The following KNL1 variants were observed in gnomAD, a reference collection of about 807,000 sequenced individuals.
The protein encoded by KNL1 is outer kinetochore KNL1 complex subunit KNL1.
Under a neutral mutation model 201.3 loss-of-function variants are expected in KNL1, and 66 were observed. That is an observed-to-expected ratio of 0.33 (90% confidence interval 0.27 to 0.40). KNL1 has a LOEUF of 0.40. Among genes scored for constraint, KNL1 ranks in the 10% least tolerant of loss-of-function variants. The probability of loss-of-function intolerance (pLI) is 1.00; values close to 1 mark genes in which losing one functional copy is unlikely to be tolerated. For missense variants in KNL1, 2,815 were observed against 2,690.5 expected (o/e 1.05, Z -1.02); for synonymous variants, 895 against 899.2 (o/e 1.00, Z 0.08).
intron 13 of KNL1, among the ~76,000 whole-genome samples, chr15:40,632,930 A>C (rs1353054785): frequency 1.3e-5 from 2 of 152,156 alleles, no homozygotes; most frequent in African/African-American, 4.8e-5. Context: ...CCCAATTTAA[A>C]AATGATCAAA....
At chr15:40,605,066 T>C (rs751310299) in intron 2 of KNL1, 44 bp from the exon 3 acceptor site, 2 of 1,038,716 alleles carry the variant, frequency 1.9e-6, no homozygotes, top group South Asian at 1.3e-5. Flanking sequence ...TGTGAATTCA[T>C]TTTTTTAAAT....
At chr15:40,601,180 C>T (rs560874827) in intron 1 of KNL1, among the ~76,000 whole-genome samples, 3 of 152,308 alleles carry the variant, frequency 2.0e-5, no homozygotes, top group Admixed American at 6.5e-5. Flanking sequence ...AGCACAAACC[C>T]TGTTGTGAAC....
intron 25 of KNL1, 98 bp downstream of exon 25, chr15:40,659,559 C>G (rs1469717681): frequency 9.3e-7 from 1 of 1,072,716 alleles, no homozygotes; most frequent in Non-Finnish European, 1.3e-6. Context: ...GTGGCGCAAT[C>G]TCGGCTCACT....
Position 40,645,065 on chromosome 15 carries a change from T to TG in KNL1, c.5868dup (p.Arg1957GlufsTer5), listed in dbSNP as rs1311970118. 1 of 1,610,796 alleles carries TG rather than the reference T, an allele frequency of 6.2e-7. No homozygotes were observed. The highest frequency in any genetic ancestry group is 8.5e-7 in the Non-Finnish European group (1 of 1,177,756). On this transcript the variant is annotated frameshift_variant, in exon 15 of 26. Coordinates refer to ENST00000399668, the MANE Select transcript of KNL1 (RefSeq NM_144508.5). LOFTEE classifies it high-confidence loss of function. ...ATAAATAAGAACCTGTGGGAAAAAATGAGACACTGCTCTGACAAAGAGGTA... is the reference window on the plus strand; with the variant it reads ...ATAAATAAGAACCTGTGGGAAAAAATGGAGACACTGCTCTGACAAAGAGGTA...
rs1442241911 is a variant in KNL1 at position 40,662,626 on chromosome 15, A to G, written c.*438A>G. The G allele has an allele frequency of 1.0e-5, 2 of 200,542 alleles. No homozygotes were observed. Among genetic ancestry groups the G allele is most frequent in the Non-Finnish European group, 2.1e-5 (2 of 97,528 alleles). The allele number at this position is 200,542 out of a possible 1,614,324, so 12.4% of individuals were successfully genotyped here. A position where few individuals can be genotyped will look rare whatever the true frequency, so the allele number is the denominator to read the frequency against. ...TTCTGGAGTAGAAATGTATCTGTCT[A>G]CAAACTATTATCCTTTTTCTCCGTT... On this transcript the variant is annotated 3_prime_UTR_variant, in exon 26 of 26. Transcript: ENST00000399668.
chr15:40,622,508 C>T lies in KNL1; in HGVS notation c.2244C>T (p.Cys748=). 6.2e-7 allele frequency: 1 copy of T among 1,613,960 alleles called. No individual in the cohort carries two copies. The highest frequency in any genetic ancestry group is 8.5e-7 in the Non-Finnish European group (1 of 1,179,916). ...TAAGCAATCCCACACCTGACTATTG[C>T]CATGACAAGATGATTATATGTTCAG... ...KSLSNPTPDY[C]HDKMIICSEE... Residue 748 remains cysteine, a synonymous_variant, in exon 10 of 26, where the codon TGC becomes TGT. Transcript: ENST00000399668.
chr15:40,653,996 A>G (rs1893647936), intron 21 of KNL1, among the ~76,000 whole-genome samples: 1 of 152,148 alleles, frequency 6.6e-6, no homozygotes, highest in Admixed American at 6.5e-5. Context: ...AGTGCTTATC[A>G]TAGTTTGTAG....
intron 17 of KNL1, among the ~76,000 whole-genome samples, chr15:40,649,058 G>C (rs1241195740): frequency 6.8e-6 from 1 of 147,104 alleles, no homozygotes; most frequent in East Asian, 2.0e-4. Context: ...GGCTGATCTC[G>C]AACTCCCGAC....
rs368189116 is a variant in KNL1 at position 40,624,181 on chromosome 15, C to T, written c.3917C>T (p.Pro1306Leu). 256 of 1,613,736 alleles carry T rather than the reference C, an allele frequency of 1.6e-4. 1 individual carries two copies. Among genetic ancestry groups the T allele is most frequent in the Non-Finnish European group, 2.0e-4 (231 of 1,179,932 alleles). Residue 1306 changes from proline to leucine, a missense_variant, in exon 10 of 26, where the codon CCA becomes CTA. This residue lies in a region of KNL1 where 2,464 missense variants were observed against 2,291.7 expected (regional missense o/e 1.08). Transcript: ENST00000399668. ...TCCAGTGATAATTATTCCTGTTTAC[C>T]AAATGTTATTTCCTGTACTGATAAT... ...CGSSDNYSCL[P>L]NVISCTDNLE...
intron 10 of KNL1, among the ~76,000 whole-genome samples, chr15:40,627,134 A>T (rs1346653005): frequency 2.0e-5 from 3 of 152,188 alleles, no homozygotes; most frequent in Non-Finnish European, 4.4e-5. Context: ...ATCTCAAGTG[A>T]TCCACCTTCC....
At chr15:40,641,553 A>G (rs1256746632) in intron 14 of KNL1, among the ~76,000 whole-genome samples, 1 of 152,258 alleles carries the variant, frequency 6.6e-6, no homozygotes, top group African/African-American at 2.4e-5. Flanking sequence ...AATTCCACAC[A>G]TAAATACGTA....
intron 13 of KNL1, among the ~76,000 whole-genome samples, chr15:40,638,397 T>G (rs1193903330): frequency 6.6e-6 from 1 of 152,178 alleles, no homozygotes; most frequent in African/African-American, 2.4e-5. Flanking sequence ...AAGCTCTTGC[T>G]TTGTTTCTCA....
rs1365726618 is a variant in KNL1, at chr15:40,648,582, C to T, written c.6094+1508C>T. On this transcript the variant is annotated intron_variant, in intron 17 of 25. Coordinates refer to ENST00000399668, the MANE Select transcript of KNL1 (RefSeq NM_144508.5). ...GTCTTTGAGGCTCTCTTAACAAGTCCTGTCATCGGCAGCTTCAGCATCTCA... is the reference window on the plus strand; with the variant it reads ...GTCTTTGAGGCTCTCTTAACAAGTCTTGTCATCGGCAGCTTCAGCATCTCA... 2.0e-5 allele frequency among the ~76,000 whole-genome samples: 3 copies of T among 152,148 alleles called. No individual in the cohort carries two copies. In the East Asian group the frequency reaches 5.8e-4, roughly 29 times the overall value.
chr15:40,654,793 T>C lies in KNL1; in HGVS notation c.6416-116T>C, dbSNP rs918810855. ...CTGAGGCAGGAGAATCGCTTGAACC[T>C]GGGAGGCTGAGCTTGCAGTGGGCCA... is the stretch of plus-strand genomic sequence containing the variant. On this transcript the variant is annotated intron_variant, in intron 21 of 25. Transcript: ENST00000399668. 1.1e-4 allele frequency: 75 copies of C among 707,742 alleles called. No individual in the cohort carries two copies. In the Admixed American group the frequency reaches 1.6e-3, roughly 15 times the overall value. The allele number at this position is 707,742 out of a possible 1,614,324, so 43.8% of individuals were successfully genotyped here. A position where few individuals can be genotyped will look rare whatever the true frequency, so the allele number is the denominator to read the frequency against.
rs937117705 is a variant in KNL1 at position 40,642,710 on chromosome 15, C to T, written c.5798+1683C>T. Among the ~76,000 whole-genome samples, 9 of 152,222 alleles carry T rather than the reference C, an allele frequency of 5.9e-5. No homozygotes were observed. The South Asian group carries it at 8.3e-4, about 14-fold the overall frequency. ...TAGCGCCATCTCGGCTCACTGCAAG[C>T]GCTGCATCCTGGGTTCAAGCGATTC... On this transcript the variant is annotated intron_variant, in intron 14 of 25. Transcript: ENST00000399668.
chr15:40,651,075 CAAA>C (rs1048151803), intron 19 of KNL1, among the ~76,000 whole-genome samples: 1 of 116,106 alleles, frequency 8.6e-6, no homozygotes, highest in Non-Finnish European at 1.9e-5. Context: ...CAAATACAGG[CAAA>C]AAAAAAAAAA....
At chr15:40,610,214 G>A in intron 5 of KNL1, 31 bp from the exon 6 acceptor site, 1 of 1,214,056 alleles carries the variant, frequency 8.2e-7, no homozygotes, top group Non-Finnish European at 1.2e-6. Context: ...ACAAATTGCA[G>A]GTTTTCAATA....
rs375185368 is a variant in KNL1, at chr15:40,608,921, C to T, written c.197+13C>T. On this transcript the variant is annotated intron_variant, in intron 5 of 25. Transcript: ENST00000399668. ...CAGATACTATAAAGTAAGTTGAAAG[C>T]AGAAATAACTAAAATATTATAGGTA... The T allele has an allele frequency of 1.3e-6, 2 of 1,581,064 alleles. No individual in the cohort carries two copies. The highest frequency in any genetic ancestry group is 1.1e-5 in the South Asian group (1 of 90,276).
intron 13 of KNL1, among the ~76,000 whole-genome samples, chr15:40,631,504 G>A (rs1457784049): frequency 6.6e-6 from 1 of 151,894 alleles, no homozygotes; most frequent in African/African-American, 2.4e-5. Flanking sequence ...TTTTAGAGAC[G>A]AGATCTTGCT....
Sources: gnomAD v4.1 joint callset for allele counts (sites outside exome capture counted in the v4.1 genomes callset) on GRCh38, gnomAD v4.1.1 for gene constraint, gnomAD v4.1.1 regional missense constraint, MANE v1.5 for transcripts, NCBI Gene and HGNC (gene_info 2026-07-23, HGNC 2026-07-21) for gene names.